The following CDC42BPB variants were observed in gnomAD, a reference collection of about 807,000 sequenced individuals.
CDC42BPB encodes CDC42 binding protein kinase beta.
In CDC42BPB, 37 loss-of-function variants were observed where a neutral mutation model predicts 214.9. The ratio of observed to expected loss-of-function variants is 0.17; its 90% CI spans 0.13 to 0.23. CDC42BPB has a LOEUF of 0.23. Ranked by LOEUF, CDC42BPB falls within the 10% of genes least tolerant of loss-of-function variation. CDC42BPB has a pLI of 1.00. For missense variants in CDC42BPB, 1,694 were observed against 2,227.0 expected, an observed-to-expected ratio of 0.76 and a Z score of 4.82; for synonymous variants, 931 against 884.0, an observed-to-expected ratio of 1.05 and a Z score of -0.94.
chr14:102,968,296 A>G lies in CDC42BPB; in HGVS notation c.2303T>C (p.Met768Thr), dbSNP rs1249287268. 1.2e-6 allele frequency: 2 copies of G among 1,614,062 alleles called. No homozygotes were observed. Among genetic ancestry groups the G allele is most frequent in the Admixed American group, 1.7e-5 (1 of 60,006 alleles). The change falls in exon 16 of 37, where the codon ATG (methionine) becomes ACG (threonine). Residue 768 changes from methionine to threonine, a missense_variant. Physicochemically the swap from Met to Thr is moderately conservative, Grantham distance 81. This residue lies in a region of CDC42BPB where 462 missense variants were observed against 513.5 expected (regional missense o/e 0.90). Coordinates refer to ENST00000361246, the MANE Select transcript of CDC42BPB (RefSeq NM_006035.4). ...TAGCTTCTTGTTTTCATCAAACAGC[A>G]TCGCTCTTTCTCGTTCGTATTTATC... ...IKDKYERERA[M>T]LFDENKKLTA...
intron 1 of CDC42BPB, among the ~76,000 whole-genome samples, chr14:103,034,485 T>A (rs946672112): frequency 2.0e-5 from 3 of 152,136 alleles, no homozygotes; most frequent in Non-Finnish European, 4.4e-5. Context: ...ACAACAGGAA[T>A]TACCATAGCC....
chr14:103,028,634 C>T (rs1887179273), intron 1 of CDC42BPB, among the ~76,000 whole-genome samples: 1 of 152,222 alleles, frequency 6.6e-6, no homozygotes, highest in Non-Finnish European at 1.5e-5. Flanking sequence ...AGCTGGCGCT[C>T]AACAGGTGCA....
chr14:102,974,688 C>T (rs545373015), intron 11 of CDC42BPB, among the ~76,000 whole-genome samples: 12 of 152,282 alleles, frequency 7.9e-5, no homozygotes, highest in African/African-American at 2.4e-4. Context: ...CCAGGCGCAG[C>T]GGCTCACGCC....
rs1396198750 is a variant in CDC42BPB at position 102,952,677 on chromosome 14, AG to A, written c.3067-75del. On this transcript the variant is annotated intron_variant, in intron 23 of 36. Transcript: ENST00000361246. The stretch of plus-strand genomic sequence containing the variant: ...AGTCAGATCCATCTGCCTGTGATCC[AG>A]TTTATACACAGCTTGGGCATTATCC... The A allele has an allele frequency of 2.1e-5, 32 of 1,559,770 alleles. No homozygotes were observed. In the African/African-American group the frequency reaches 2.8e-4, roughly 14 times the overall value.
At position 102,983,594 on chromosome 14, in the gene CDC42BPB, A is replaced by T. The variant is rs1894107413; in HGVS notation, c.853T>A (p.Ser285Thr). The change falls in exon 7 of 37, where the codon TCA (serine) becomes ACA (threonine). Residue 285 changes from serine (S) to threonine (T), a missense_variant. Transcript: ENST00000361246. The part of the protein sequence containing the change: ...LYGETPFYAE[S>T]LVETYGKIMN... ...ATCTTCCCATAGGTCTCCACGAGTG[A>T]CTCCGCATAAAACGGCGTTTCTCCA... 1 of 1,610,010 alleles carries T rather than the reference A, an allele frequency of 6.2e-7. No homozygotes were observed. The highest frequency in any genetic ancestry group is 8.5e-7 in the Non-Finnish European group (1 of 1,179,940).
intron 1 of CDC42BPB, among the ~76,000 whole-genome samples, chr14:103,045,320 A>G (rs1318068157): frequency 6.6e-6 from 1 of 152,198 alleles, no homozygotes; most frequent in African/African-American, 2.4e-5. Flanking sequence ...GATTTCCTAC[A>G]TACCAAAAGC....
chr14:102,933,853 G>C lies in CDC42BPB; in HGVS notation c.5005-10C>G. ...TGGAGTCCGAATCAGGCTGTGAACA[G>C]GAAGAGGGCAGGGTGAGCACCCGCT... On this transcript the variant is annotated splice_polypyrimidine_tract_variant and intron_variant, in intron 36 of 36. Transcript: ENST00000361246. The C allele has an allele frequency of 1.3e-6, 2 of 1,516,570 alleles. No individual in the cohort carries two copies. The highest frequency in any genetic ancestry group is 1.8e-6 in the Non-Finnish European group (2 of 1,139,454). 93.9% of individuals were successfully genotyped at this position (1,516,570 alleles called of 1,614,324 possible). A position where few individuals can be genotyped will look rare whatever the true frequency, so the allele number is the denominator to read the frequency against.
At chr14:103,014,296 A>G (rs922774134) in intron 1 of CDC42BPB, among the ~76,000 whole-genome samples, 1 of 152,126 alleles carries the variant, frequency 6.6e-6, no homozygotes, top group African/African-American at 2.4e-5. Context: ...CCCGCCATGT[A>G]TCCTGCCAGT....
chr14:102,964,879 T>C, intron 18 of CDC42BPB: 1 of 573,138 alleles, frequency 1.7e-6, no homozygotes, highest in Non-Finnish European at 2.2e-6. Context: ...CTTTATCTTT[T>C]AGAAGAATAA....
intron 16 of CDC42BPB, 38 bp from the exon 17 acceptor site, chr14:102,967,208 G>C: frequency 1.3e-6 from 2 of 1,590,768 alleles, no homozygotes; most frequent in Non-Finnish European, 1.7e-6. Flanking sequence ...CTTGTTAATC[G>C]GGCATCCTTT....
At chr14:102,991,296 A>G (rs914836800) in intron 5 of CDC42BPB, among the ~76,000 whole-genome samples, 3 of 152,232 alleles carry the variant, frequency 2.0e-5, no homozygotes, top group Admixed American at 6.5e-5. Context: ...TATCAGAAGG[A>G]AACATCAGAC....
chr14:102,983,232 C>T (rs527276676), intron 7 of CDC42BPB, among the ~76,000 whole-genome samples: 2 of 152,306 alleles, frequency 1.3e-5, no homozygotes, highest in East Asian at 1.9e-4. Context: ...GCAGACGACG[C>T]GTCTGTCTAC....
intron 1 of CDC42BPB, among the ~76,000 whole-genome samples, chr14:103,018,627 G>A (rs1886598173): frequency 6.6e-6 from 1 of 152,184 alleles, no homozygotes; most frequent in Non-Finnish European, 1.5e-5. Context: ...GATGAATGGG[G>A]TGCTACACAC....
chr14:103,019,536 A>G (rs988606949), intron 1 of CDC42BPB, among the ~76,000 whole-genome samples: 1 of 152,222 alleles, frequency 6.6e-6, no homozygotes, highest in African/African-American at 2.4e-5. Flanking sequence ...CCACGCTGAC[A>G]GGACTCCTTC....
In CDC42BPB at chr14:103,057,426, C is replaced by A; in HGVS notation, c.-253G>T. 1 of 626,184 alleles carries A rather than the reference C, an allele frequency of 1.6e-6. No homozygotes were observed. The highest frequency in any genetic ancestry group is 2.0e-6 in the Non-Finnish European group (1 of 503,414). 38.8% of individuals were successfully genotyped at this position (626,184 alleles called of 1,614,324 possible). ...CCCCTCGGCGCCGCCGCCCTCCCAG[C>A]TCGGGCGGCCCGCCCCCGCCGCCCT... On this transcript the variant is annotated 5_prime_UTR_variant, in exon 1 of 37. Coordinates refer to ENST00000361246, the MANE Select transcript of CDC42BPB (RefSeq NM_006035.4).
chr14:103,046,208 G>GC (rs1228611378), intron 1 of CDC42BPB, among the ~76,000 whole-genome samples: 1 of 151,672 alleles, frequency 6.6e-6, no homozygotes, highest in South Asian at 2.1e-4. Flanking sequence ...TGACAGCTAT[G>GC]CCCCCCAACC....
chr14:102,954,169 G>A, intron 23 of CDC42BPB, 29 bp downstream of exon 23: 1 of 1,436,160 alleles, frequency 7.0e-7, no homozygotes, highest in Non-Finnish European at 9.6e-7. Flanking sequence ...TAACTAAGAA[G>A]GCGCCCCGGG....
At chr14:102,959,870 CT>C in intron 20 of CDC42BPB, 160 bp from the exon 21 acceptor site, 4 of 919,934 alleles carry the variant, frequency 4.3e-6, no homozygotes, top group Non-Finnish European at 5.1e-6. Context: ...AGGGGTCAGG[CT>C]TTTCCCCAGA....
intron 1 of CDC42BPB, among the ~76,000 whole-genome samples, chr14:103,014,812 C>T (rs1886362704): frequency 6.6e-6 from 1 of 152,136 alleles, no homozygotes; most frequent in East Asian, 1.9e-4. Flanking sequence ...GAAGAAAACC[C>T]TTGAGCTGCA....
Sources: gnomAD v4.1 joint callset for allele counts (sites outside exome capture counted in the v4.1 genomes callset) on GRCh38, gnomAD v4.1.1 for gene constraint, gnomAD v4.1.1 regional missense constraint, MANE v1.5 for transcripts, NCBI Gene and HGNC (gene_info 2026-07-23, HGNC 2026-07-21) for gene names.